The following OCIAD1 variants were observed in gnomAD, a reference collection of about 807,000 sequenced individuals.
The protein encoded by OCIAD1 is OCIA domain-containing protein 1.
In OCIAD1, 29 loss-of-function variants were observed where a neutral mutation model predicts 38.9. That is an observed-to-expected ratio of 0.74 (90% CI 0.55 to 1.02). The LOEUF (loss-of-function observed/expected upper bound fraction) is 1.02, where lower values mean the gene tolerates loss of function less well. Ranked by LOEUF, OCIAD1 falls within the 50% of genes least tolerant of loss-of-function variation. OCIAD1 has a pLI of 0.00. For synonymous variants in OCIAD1, 110 were observed against 92.0 expected, an observed-to-expected ratio of 1.20 and a Z score of -1.12; for missense variants, 288 against 289.6, an observed-to-expected ratio of 0.99 and a Z score of 0.04.
In OCIAD1 at chr4:48,837,966, T is replaced by C. The variant is rs536359318; in HGVS notation, c.139+4485T>C. On this transcript the variant is annotated intron_variant, in intron 3 of 8. Coordinates refer to ENST00000264312, the MANE Select transcript of OCIAD1 (RefSeq NM_017830.4). ...TCTTAATAGTGGGACATGTGGTATATGAACAGTACAAAGCTAAGTGATTTC... is the reference window on the plus strand; with the variant it reads ...TCTTAATAGTGGGACATGTGGTATACGAACAGTACAAAGCTAAGTGATTTC... 1.4e-3 allele frequency among the ~76,000 whole-genome samples: 215 copies of C among 152,118 alleles called. 1 individual carries two copies. The highest frequency in any genetic ancestry group is 1.0e-3 in the Non-Finnish European group (71 of 68,034).
Position 48,824,280 on chromosome 4 carries a change from C to T in OCIAD1, c.-102-6297C>T, listed in dbSNP as rs561031004. 2.0e-5 allele frequency among the ~76,000 whole-genome samples: 3 copies of T among 152,172 alleles called. No homozygotes were observed. In the East Asian group the frequency reaches 5.8e-4, roughly 29 times the overall value. Reference sequence around the variant, plus strand: ...TACAGGTGTGAGCCACTGCGCCCAGCCTGAATTTTTAATAGTTTCCATTAA... The same window carrying T: ...TACAGGTGTGAGCCACTGCGCCCAGTCTGAATTTTTAATAGTTTCCATTAA... On this transcript the variant is annotated intron_variant, in intron 1 of 6. Coordinates refer to the OCIAD1 transcript ENST00000504654.
intron 3 of OCIAD1, among the ~76,000 whole-genome samples, chr4:48,836,195 T>C (rs1485251504): frequency 3.3e-5 from 5 of 152,156 alleles, no homozygotes; most frequent in Admixed American, 6.5e-5. Context: ...ATATATGTAG[T>C]CAACGATGAG....
chr4:48,837,295 G>A (rs1234270912), intron 3 of OCIAD1: 2 of 138,458 alleles, frequency 1.4e-5, no homozygotes, highest in East Asian at 2.1e-4. Flanking sequence ...TTCTTTTTTC[G>A]GTGTTCTTTT....
chr4:48,839,451 AG>A (rs1307387965), intron 3 of OCIAD1, among the ~76,000 whole-genome samples: 2 of 151,426 alleles, frequency 1.3e-5, no homozygotes, highest in African/African-American at 4.9e-5. Flanking sequence ...AAAAAAAAAA[AG>A]AGTATGGACT....
At chr4:48,829,501 A>G (rs1777319413), upstream of OCIAD1, among the ~76,000 whole-genome samples, 1 of 152,204 alleles carries the variant, frequency 6.6e-6, no homozygotes, top group South Asian at 2.1e-4. Context: ...TTTAGTGAAG[A>G]GAGACAATAC....
intron 8 of OCIAD1, chr4:48,860,217 T>A (rs1780476740): frequency 6.5e-6 from 1 of 153,096 alleles, no homozygotes; most frequent in South Asian, 2.0e-4. Flanking sequence ...GAGAGAAGAT[T>A]GAATTAATTA....
intron 7 of OCIAD1, among the ~76,000 whole-genome samples, chr4:48,854,053 C>T (rs1779778816): frequency 6.6e-6 from 1 of 152,190 alleles, no homozygotes; most frequent in Non-Finnish European, 1.5e-5. Flanking sequence ...ACTATCTTAT[C>T]TCCAAAGGCA....
intron 7 of OCIAD1, among the ~76,000 whole-genome samples, chr4:48,852,970 C>T (rs1413416880): frequency 2.0e-5 from 3 of 150,498 alleles, no homozygotes; most frequent in Non-Finnish European, 3.0e-5. Flanking sequence ...CAACCTCCGC[C>T]CCCCCAGCTT....
intron 1 of OCIAD1, among the ~76,000 whole-genome samples, chr4:48,806,056 C>T (rs1317751618): frequency 6.6e-6 from 1 of 152,178 alleles, no homozygotes; most frequent in Non-Finnish European, 1.5e-5. Flanking sequence ...CACCTGAGGT[C>T]AGGAGTTTAA....
rs1309940451 is a variant in OCIAD1 at position 48,861,264 on chromosome 4, T to C, written c.*502T>C. 2 of 152,608 alleles carry C rather than the reference T, an allele frequency of 1.3e-5. No homozygotes were observed. Among genetic ancestry groups the C allele is most frequent in the Non-Finnish European group, 2.9e-5 (2 of 68,334 alleles). The allele number at this position is 152,608 out of a possible 1,614,324, so 9.5% of individuals were successfully genotyped here. A position where few individuals can be genotyped will look rare whatever the true frequency, so the allele number is the denominator to read the frequency against. ...GAACATGCAACAGCCCTCATCTTCC[T>C]TGATTTTATGGTTTTATTGTTTGTA... On this transcript the variant is annotated 3_prime_UTR_variant, in exon 9 of 9. Transcript: ENST00000264312.
chr4:48,855,815 C>CA (rs752582945), intron 7 of OCIAD1, among the ~76,000 whole-genome samples: 1,138 of 83,282 alleles, frequency 0.014, 8 homozygotes, highest in African/African-American at 0.04. Flanking sequence ...GACTCTGTCT[C>CA]AAAAAAAAAA....
intron 1 of OCIAD1, among the ~76,000 whole-genome samples, chr4:48,810,878 TTTTCTTTC>T (rs375158681): frequency 0.43 from 57,301 of 133,704 alleles, 11,676 homozygotes; most frequent in South Asian, 0.51. Flanking sequence ...CAATTTTCTT[TTTTCTTTC>T]TTTCTTTCTT....
At chr4:48,841,408 G>C (rs1778519839) in intron 3 of OCIAD1, among the ~76,000 whole-genome samples, 1 of 152,168 alleles carries the variant, frequency 6.6e-6, no homozygotes, top group Non-Finnish European at 1.5e-5. Context: ...GCGGAAACCA[G>C]GTCCCAAGAG....
intron 1 of OCIAD1, among the ~76,000 whole-genome samples, chr4:48,813,092 A>T (rs1176491706): frequency 6.6e-6 from 1 of 152,208 alleles, no homozygotes; most frequent in Non-Finnish European, 1.5e-5. Context: ...GGCTCTTGTC[A>T]TGACCTCTAT....
intron 3 of OCIAD1, among the ~76,000 whole-genome samples, chr4:48,839,682 T>C (rs779119192): frequency 5.9e-5 from 9 of 152,176 alleles, no homozygotes; most frequent in Non-Finnish European, 1.0e-4. Context: ...AATAAAAATT[T>C]TTATTGACTA....
intron 1 of OCIAD1, among the ~76,000 whole-genome samples, chr4:48,808,434 C>A (rs938382173): frequency 4.6e-5 from 7 of 151,990 alleles, no homozygotes; most frequent in Admixed American, 4.6e-4. Flanking sequence ...TGCACCACTG[C>A]ACTCCAGCCT....
chr4:48,837,483 G>T (rs561034829), intron 3 of OCIAD1, among the ~76,000 whole-genome samples: 13 of 151,746 alleles, frequency 8.6e-5, no homozygotes, highest in Admixed American at 8.6e-4. Flanking sequence ...GGTAGAGAAG[G>T]AGTTTCACCA....
intron 4 of OCIAD1, among the ~76,000 whole-genome samples, chr4:48,844,792 T>C (rs925621192): frequency 2.6e-5 from 4 of 152,278 alleles, no homozygotes; most frequent in African/African-American, 4.8e-5. Flanking sequence ...GTCTCTGATA[T>C]AAAACGGCCT....
At chr4:48,820,324 G>A (rs891957114) in intron 1 of OCIAD1, among the ~76,000 whole-genome samples, 1 of 152,050 alleles carries the variant, frequency 6.6e-6, no homozygotes, top group African/African-American at 2.4e-5. Flanking sequence ...CAAAATTAAG[G>A]CAGAAATAAA....
Sources: allele counts gnomAD v4.1 joint callset (sites outside exome capture counted in the v4.1 genomes callset), GRCh38; gene constraint gnomAD v4.1.1; transcripts MANE v1.5; gene names NCBI Gene and HGNC (gene_info 2026-07-23, HGNC 2026-07-21).